SHTN1: variants seen among roughly 807,000 people sequenced by gnomAD.
SHTN1 encodes the protein shootin-1.
Under a neutral mutation model 83.1 loss-of-function variants are expected in SHTN1, and 42 were observed. The ratio of observed to expected loss-of-function variants is 0.51; its 90% CI spans 0.39 to 0.65. The LOEUF (loss-of-function observed/expected upper bound fraction) is 0.65, where lower values mean the gene tolerates loss of function less well. Among genes scored for constraint, SHTN1 ranks in the 30% least tolerant of loss-of-function variants. SHTN1 has a pLI of 0.00. For missense variants in SHTN1, 622 were observed against 737.8 expected (o/e 0.84, Z 1.82); for synonymous variants, 224 against 247.7 (o/e 0.90, Z 0.90).
At chr10:116,905,488 AT>A (rs1847934487) in intron 15 of SHTN1, among the ~76,000 whole-genome samples, 1 of 152,088 alleles carries the variant, frequency 6.6e-6, no homozygotes, top group Admixed American at 6.5e-5. Flanking sequence ...TGAATGGCTG[AT>A]TTTTGTTTTT....
upstream of SHTN1, chr10:117,005,218 C>G (rs1589891400): frequency 6.6e-7 from 1 of 1,508,630 alleles, no homozygotes; most frequent in Non-Finnish European, 8.8e-7. Context: ...TCCTCCTCCT[C>G]CTGGCGCGGA....
intron 1 of SHTN1, among the ~76,000 whole-genome samples, chr10:117,001,487 G>A (rs919771674): frequency 2.6e-5 from 4 of 152,132 alleles, no homozygotes; most frequent in South Asian, 2.1e-4. Context: ...AAGGCTTCAC[G>A]TTAGGGAAGG....
intron 1 of SHTN1, among the ~76,000 whole-genome samples, chr10:116,984,938 T>C (rs1397158363): frequency 2.0e-5 from 3 of 152,130 alleles, no homozygotes; most frequent in Non-Finnish European, 4.4e-5. Flanking sequence ...CAAATGTTTT[T>C]CCCTCTGCCT....
At chr10:116,968,521 C>T in intron 3 of SHTN1, 131 bp downstream of exon 3, 1 of 607,110 alleles carries the variant, frequency 1.6e-6, no homozygotes, top group Non-Finnish European at 2.8e-6. Context: ...CATGTTTGGA[C>T]AAATAGAAAG....
intron 1 of SHTN1, among the ~76,000 whole-genome samples, chr10:116,983,055 T>A (rs549887512): frequency 1.8e-4 from 27 of 152,066 alleles, no homozygotes; most frequent in Non-Finnish European, 3.1e-4. Flanking sequence ...TCTCTCAGAT[T>A]TACAGGTACA....
intron 1 of SHTN1, 60 bp from the exon 2 acceptor site, chr10:116,979,368 T>C: frequency 7.1e-7 from 1 of 1,408,848 alleles, no homozygotes; most frequent in Non-Finnish European, 1.0e-6. Context: ...CAGGGCAACC[T>C]GGGGAATCCA....
At chr10:117,032,154 A>C (rs1053367647) in intron 2 of SHTN1, among the ~76,000 whole-genome samples, 3 of 152,224 alleles carry the variant, frequency 2.0e-5, no homozygotes, top group African/African-American at 7.2e-5. Flanking sequence ...GAACAGACAA[A>C]GACGGTCACT....
intron 2 of SHTN1, among the ~76,000 whole-genome samples, chr10:117,013,370 C>T (rs1852136230): frequency 6.6e-6 from 1 of 152,130 alleles, no homozygotes; most frequent in African/African-American, 2.4e-5. Flanking sequence ...GACAGGGTTT[C>T]ACTATGTTGG....
chr10:116,934,718 A>C (rs1849092324), intron 9 of SHTN1, among the ~76,000 whole-genome samples: 1 of 152,164 alleles, frequency 6.6e-6, no homozygotes, highest in Non-Finnish European at 1.5e-5. Flanking sequence ...AGTCAATGGT[A>C]GCTTGATAGG....
intron 1 of SHTN1, among the ~76,000 whole-genome samples, chr10:117,114,831 G>C (rs1214823994): frequency 6.6e-6 from 1 of 152,178 alleles, no homozygotes; most frequent in Non-Finnish European, 1.5e-5. Context: ...AGGAGATCTG[G>C]TTCTGCACAC....
rs1001691958 is a variant in SHTN1 at position 116,881,699 on chromosome 10, C to G, written c.*4645G>C. ...GTACACACCCCAGGTTCCAGCCACA[C>G]CATCAGTATTAGTAGACCGGGAGGT... is the stretch of plus-strand genomic sequence containing the variant. On this transcript the variant is annotated 3_prime_UTR_variant, in exon 17 of 17. Transcript: ENST00000355371. 1.4e-6 allele frequency: 2 copies of G among 1,456,776 alleles called. No individual in the cohort carries two copies. The highest frequency in any genetic ancestry group is 5.5e-5 in the Admixed American group (2 of 36,498). 90.2% of individuals were successfully genotyped at this position (1,456,776 alleles called of 1,614,324 possible).
chr10:116,897,906 C>G (rs1194854070), intron 16 of SHTN1, among the ~76,000 whole-genome samples: 1 of 152,134 alleles, frequency 6.6e-6, no homozygotes, highest in Non-Finnish European at 1.5e-5. Flanking sequence ...TGTTACTCCC[C>G]CTCCCGTCTA....
At chr10:117,084,907 C>T (rs971617685) in intron 1 of SHTN1, among the ~76,000 whole-genome samples, 7 of 152,088 alleles carry the variant, frequency 4.6e-5, no homozygotes, top group Admixed American at 6.5e-5. Context: ...GCGCACGGTG[C>T]GCGCCCCCAC....
At chr10:117,089,409 T>A (rs1853397107) in intron 1 of SHTN1, among the ~76,000 whole-genome samples, 1 of 152,096 alleles carries the variant, frequency 6.6e-6, no homozygotes, top group African/African-American at 2.4e-5. Context: ...TAACAAAAAA[T>A]CACCATTTAA....
chr10:116,927,098 T>C (rs1848770254), intron 11 of SHTN1, among the ~76,000 whole-genome samples: 1 of 152,212 alleles, frequency 6.6e-6, no homozygotes, highest in Non-Finnish European at 1.5e-5. Context: ...ATACTTCTAG[T>C]TTAATTACTA....
chr10:116,913,109 T>G (rs1371874598), intron 13 of SHTN1, among the ~76,000 whole-genome samples: 1 of 152,142 alleles, frequency 6.6e-6, no homozygotes, highest in African/African-American at 2.4e-5. Context: ...AGCGGTTAAA[T>G]TAATATTCTC....
intron 16 of SHTN1, among the ~76,000 whole-genome samples, chr10:116,895,741 A>G (rs898162314): frequency 4.6e-5 from 7 of 152,216 alleles, no homozygotes; most frequent in Non-Finnish European, 1.0e-4. Flanking sequence ...TTCAAAAAGC[A>G]CTGGCATTGG....
intron 1 of SHTN1, among the ~76,000 whole-genome samples, chr10:117,067,741 A>G (rs2133600723): frequency 6.6e-6 from 1 of 152,340 alleles, no homozygotes; most frequent in Middle Eastern, 3.4e-3. Flanking sequence ...GGGAAAAATG[A>G]CTTAAACTAA....
At chr10:117,003,574 T>C (rs1851894671) in intron 1 of SHTN1, among the ~76,000 whole-genome samples, 1 of 151,964 alleles carries the variant, frequency 6.6e-6, no homozygotes, top group African/African-American at 2.4e-5. Context: ...CAACGGTGTC[T>C]GTGGTTTTAC....
Sources: gnomAD v4.1 joint callset for allele counts (sites outside exome capture counted in the v4.1 genomes callset) on GRCh38, gnomAD v4.1.1 for gene constraint, MANE v1.5 for transcripts, NCBI Gene and HGNC (gene_info 2026-07-23, HGNC 2026-07-21) for gene names.